The following COL14A1 variants were observed in gnomAD, a reference collection of about 807,000 sequenced individuals.
COL14A1 encodes the protein collagen alpha-1(XIV) chain.
A neutral mutation model predicts 230.3 loss-of-function variants in COL14A1; 136 were observed. The observed-to-expected ratio is 0.59, with a 90% CI of 0.51 to 0.68. COL14A1 has a LOEUF of 0.68. Ranked by LOEUF, COL14A1 falls within the 30% of genes least tolerant of loss-of-function variation. COL14A1 has a pLI of 0.00. For synonymous variants in COL14A1, 792 were observed against 784.1 expected, an observed-to-expected ratio of 1.01 and a Z score of -0.17; for missense variants, 1,976 against 2,215.8, an observed-to-expected ratio of 0.89 and a Z score of 2.17.
intron 45 of COL14A1, among the ~76,000 whole-genome samples, chr8:120,357,444 A>G (rs1430922037): frequency 2.0e-5 from 3 of 152,104 alleles, no homozygotes; most frequent in African/African-American, 7.2e-5. Flanking sequence ...AGGAGTTCCC[A>G]TTATGATTTT....
intron 5 of COL14A1, among the ~76,000 whole-genome samples, chr8:120,193,962 T>G (rs531656103): frequency 1.3e-3 from 194 of 152,272 alleles, no homozygotes; most frequent in Non-Finnish European, 2.1e-3. Context: ...CACCCCTTTC[T>G]TTGACTAGGA....
intron 40 of COL14A1, among the ~76,000 whole-genome samples, chr8:120,324,073 G>A (rs1315886890): frequency 3.3e-5 from 5 of 152,060 alleles, no homozygotes; most frequent in Non-Finnish European, 7.4e-5. Context: ...CCTACTTGAG[G>A]GTGGAGGGAG....
intron 19 of COL14A1, among the ~76,000 whole-genome samples, chr8:120,237,109 G>A (rs1455642993): frequency 6.6e-6 from 1 of 152,130 alleles, no homozygotes; most frequent in Non-Finnish European, 1.5e-5. Context: ...TTCTTGAGGA[G>A]TATCTTTGTG....
At chr8:120,360,925 A>G (rs1332962756) in intron 45 of COL14A1, among the ~76,000 whole-genome samples, 1 of 152,114 alleles carries the variant, frequency 6.6e-6, no homozygotes, top group African/African-American at 2.4e-5. Context: ...GGGTACAAAG[A>G]AGGGCAAACC....
At chr8:120,340,199 A>G (rs937728469) in intron 42 of COL14A1, among the ~76,000 whole-genome samples, 2 of 152,018 alleles carry the variant, frequency 1.3e-5, no homozygotes, top group Non-Finnish European at 2.9e-5. Context: ...TGGGCTGCTT[A>G]TATCTGCACT....
At chr8:120,130,409 A>G (rs910523826) in intron 1 of COL14A1, among the ~76,000 whole-genome samples, 1 of 150,796 alleles carries the variant, frequency 6.6e-6, no homozygotes, top group Non-Finnish European at 1.5e-5. Flanking sequence ...TTTTCCCCTT[A>G]TTTTTTCTTT....
At position 120,289,715 on chromosome 8, in the gene COL14A1, A is replaced by C; in HGVS notation, c.4185A>C (p.Glu1395Asp). 1 of 1,614,028 alleles carries C rather than the reference A, an allele frequency of 6.2e-7. No homozygotes were observed. The highest frequency in any genetic ancestry group is 8.5e-7 in the Non-Finnish European group (1 of 1,179,948). Residue 1395 changes from glutamate to aspartate, a missense_variant, in exon 34 of 48, where the codon GAA (glutamate) becomes GAC (aspartate). By Grantham distance (45) the Glu-to-Asp change is conservative. Coordinates refer to ENST00000297848, the MANE Select transcript of COL14A1 (RefSeq NM_021110.4). Reference sequence around the variant, plus strand: ...CTAATATCACGTCAGATGGTGTAGAAGTGCTAGGGAAAATGGTTCGATCAA... The same window carrying C: ...CTAATATCACGTCAGATGGTGTAGACGTGCTAGGGAAAATGGTTCGATCAA... ...ASANITSDGV[E>D]VLGKMVRSRG...
At chr8:120,180,701 C>CTTTTTT (rs34377563) in intron 5 of COL14A1, among the ~76,000 whole-genome samples, 29 of 83,532 alleles carry the variant, frequency 3.5e-4, no homozygotes, top group South Asian at 4.8e-4. Flanking sequence ...GGTAGGAAGC[C>CTTTTTT]TTTTTTTTTT....
Position 120,184,178 on chromosome 8 carries a change from G to T in COL14A1, c.437-12613G>T, listed in dbSNP as rs945471347. Reference sequence around the variant, plus strand: ...AAAAAGGAAGCAAAGGAAAGTGTGTGTGTATGTGTGAGATGTGTTTGTGGT... The same window carrying T: ...AAAAAGGAAGCAAAGGAAAGTGTGTTTGTATGTGTGAGATGTGTTTGTGGT... On this transcript the variant is annotated intron_variant, in intron 5 of 47. Coordinates refer to ENST00000297848, the MANE Select transcript of COL14A1 (RefSeq NM_021110.4). Among the ~76,000 whole-genome samples, 14 of 152,006 alleles carry T rather than the reference G, an allele frequency of 9.2e-5. 1 individual carries two copies. Among genetic ancestry groups the T allele is most frequent in the Admixed American group, 8.5e-4 (13 of 15,270 alleles).
chr8:120,288,024 C>CAA (rs61622764), intron 33 of COL14A1, among the ~76,000 whole-genome samples: 4,486 of 145,340 alleles, frequency 0.031, 117 homozygotes, highest in African/African-American at 0.074. Flanking sequence ...TTTTGTAAAG[C>CAA]AAAAAAAAAA....
At chr8:120,315,818 G>C in intron 39 of COL14A1, 126 bp from the exon 40 acceptor site, 2 of 992,948 alleles carry the variant, frequency 2.0e-6, no homozygotes, top group East Asian at 2.6e-5. Flanking sequence ...CTGAATTCTA[G>C]GTTACAAAGG....
intron 3 of COL14A1, among the ~76,000 whole-genome samples, chr8:120,162,006 T>C (rs1238887021): frequency 6.6e-6 from 1 of 152,196 alleles, no homozygotes; most frequent in East Asian, 1.9e-4. Flanking sequence ...TTGAAGAGTA[T>C]ATCTGATGTT....
intron 2 of COL14A1, among the ~76,000 whole-genome samples, chr8:120,151,153 A>G (rs1815266353): frequency 6.6e-6 from 1 of 152,152 alleles, no homozygotes; most frequent in South Asian, 2.1e-4. Context: ...GCTGATTAGG[A>G]AAATATGAGA....
rs758763789 is a variant in COL14A1, at chr8:120,208,344, G to A, written c.1304G>A (p.Arg435Gln). 23 of 1,612,848 alleles carry A rather than the reference G, an allele frequency of 1.4e-5. No individual in the cohort carries two copies. The Admixed American group carries it at 2.0e-4, about 14-fold the overall frequency. The change falls in exon 11 of 48, where the codon CGG becomes CAG. Residue 435 changes from arginine to glutamine, a missense_variant. Transcript: ENST00000297848. ...GCCCACACTGCTAGTGAAGGCCTAC[G>A]GGGAACTGAAACTACACGTATGTAT... ...IYAHTASEGLRGTETTLALPM... is the reference protein window; with the variant it reads ...IYAHTASEGLQGTETTLALPM...
chr8:120,279,703 G>C (rs1261767308), intron 28 of COL14A1, among the ~76,000 whole-genome samples: 1 of 152,068 alleles, frequency 6.6e-6, no homozygotes, highest in Non-Finnish European at 1.5e-5. Context: ...TTGGGGCCTT[G>C]GTCTTCTTGG....
chr8:120,285,289 G>A (rs1315104833), intron 32 of COL14A1, among the ~76,000 whole-genome samples: 1 of 151,290 alleles, frequency 6.6e-6, no homozygotes, highest in Non-Finnish European at 1.5e-5. Context: ...TCGAGACCAA[G>A]CCGTCTCTAC....
intron 23 of COL14A1, among the ~76,000 whole-genome samples, chr8:120,256,165 T>C (rs1819144605): frequency 6.6e-6 from 1 of 152,228 alleles, no homozygotes; most frequent in Non-Finnish European, 1.5e-5. Context: ...CAAATGATTT[T>C]TTAAAATCTT....
intron 40 of COL14A1, among the ~76,000 whole-genome samples, chr8:120,326,823 T>TG (rs746120547): frequency 2.0e-5 from 3 of 152,080 alleles, no homozygotes; most frequent in South Asian, 2.1e-4. Context: ...TTCGGGAGTT[T>TG]GAGACCAGCC....
At chr8:120,144,037 TA>T (rs1290446244) in intron 1 of COL14A1, among the ~76,000 whole-genome samples, 3 of 152,142 alleles carry the variant, frequency 2.0e-5, no homozygotes, top group African/African-American at 7.2e-5. Context: ...GATGTGTTTT[TA>T]TTGTTGCCAC....
Sources: gnomAD v4.1 joint callset for allele counts (sites outside exome capture counted in the v4.1 genomes callset) on GRCh38, gnomAD v4.1.1 for gene constraint, MANE v1.5 for transcripts, NCBI Gene and HGNC (gene_info 2026-07-23, HGNC 2026-07-21) for gene names.